The following LAMA4 variants were observed in gnomAD, a reference collection of about 807,000 sequenced individuals.
LAMA4 encodes the protein laminin subunit alpha-4.
LAMA4 carries 127 observed loss-of-function variants against 207.1 expected under a neutral mutation model. The observed-to-expected ratio is 0.61, with a 90% confidence interval of 0.53 to 0.71. LAMA4 has a LOEUF of 0.71. Ranked by LOEUF, LAMA4 falls within the 30% of genes least tolerant of loss-of-function variation. The pLI, the probability that LAMA4 is intolerant of heterozygous loss-of-function variation, is 0.00. For missense variants in LAMA4, 2,093 were observed against 2,246.5 expected (o/e 0.93, Z 1.38); for synonymous variants, 761 against 816.0 (o/e 0.93, Z 1.15).
chr6:112,201,916 A>ATC (rs1301303921), intron 4 of LAMA4, among the ~76,000 whole-genome samples: 4 of 152,310 alleles, frequency 2.6e-5, no homozygotes, highest in African/African-American at 9.6e-5. Flanking sequence ...CTATATATAT[A>ATC]TTTCAAGCAC....
intron 19 of LAMA4, among the ~76,000 whole-genome samples, chr6:112,143,189 A>G (rs1779807578): frequency 6.6e-6 from 1 of 151,712 alleles, no homozygotes; most frequent in African/African-American, 2.4e-5. Context: ...ATTAATATTG[A>G]TTTGGCTAAT....
chr6:112,115,840 G>T, intron 36 of LAMA4, 23 bp downstream of exon 36: 1 of 1,610,372 alleles, frequency 6.2e-7, no homozygotes, highest in Non-Finnish European at 8.5e-7. Context: ...GAGACAAATT[G>T]TTAAACATTT....
chr6:112,134,421 C>T (rs782658544), intron 26 of LAMA4, 46 bp downstream of exon 26: 2 of 1,605,266 alleles, frequency 1.2e-6, no homozygotes, highest in South Asian at 2.2e-5. Flanking sequence ...TGTTGCCAGC[C>T]CAGTACATTG....
chr6:112,173,238 C>G (rs1196583613), intron 11 of LAMA4, among the ~76,000 whole-genome samples: 1 of 152,142 alleles, frequency 6.6e-6, no homozygotes, highest in Non-Finnish European at 1.5e-5. Flanking sequence ...CTCTAGGCAA[C>G]TGTTTTTAGT....
rs782797459 is a variant in LAMA4 at position 112,144,823 on chromosome 6, T to C, written c.2464A>G (p.Ile822Val). Residue 822 changes from isoleucine (I) to valine (V), a missense_variant, in exon 19 of 39, where the codon ATT becomes GTT. Ile to Val is a conservative substitution (Grantham distance 29). This residue lies in a region of LAMA4 where 1,704 missense variants were observed against 1,788.4 expected (regional missense o/e 0.95). Transcript: ENST00000230538. ...SASIQRIREL[I>V]AQTRSVASKI... is the part of the protein sequence containing the mutation. ...CTGGCAACACTTCTGGTCTGAGCAATGAGCTCTCGGATCCTCTGGATGCTG... is the reference window on the plus strand; with the variant it reads ...CTGGCAACACTTCTGGTCTGAGCAACGAGCTCTCGGATCCTCTGGATGCTG... 1.2e-6 allele frequency: 2 copies of C among 1,613,846 alleles called. No homozygotes were observed. The highest frequency in any genetic ancestry group is 1.7e-6 in the Non-Finnish European group (2 of 1,180,018).
rs568363042 is a variant in LAMA4 at position 112,206,973 on chromosome 6, A to AAAACT, written c.422+47_422+48insAGTTT. On this transcript the variant is annotated intron_variant, in intron 4 of 38. Coordinates refer to ENST00000230538, the MANE Select transcript of LAMA4 (RefSeq NM_001105206.3). ...AAAACAAAACAAAACAAAACAAAAC[A>AAAACT]ATACATAGACTGATCATTAGAAGAG... 753 of 1,610,514 alleles carry AAAACT rather than the reference A, an allele frequency of 4.7e-4. 9 individuals carry two copies. In the South Asian group the frequency reaches 4.8e-3, roughly 10 times the overall value.
At chr6:112,227,044 TA>T (rs1554362764) in intron 2 of LAMA4, among the ~76,000 whole-genome samples, 1 of 88,888 alleles carries the variant, frequency 1.1e-5, no homozygotes, top group African/African-American at 6.2e-5. Flanking sequence ...TCGACTATTT[TA>T]TTTATTTATT....
chr6:112,179,482 T>G (rs1238535519), intron 9 of LAMA4: 2 of 152,286 alleles, frequency 1.3e-5, no homozygotes, highest in Non-Finnish European at 2.9e-5. Flanking sequence ...TCTGTTGCTT[T>G]TTTGGCTCAG....
intron 10 of LAMA4, among the ~76,000 whole-genome samples, chr6:112,175,715 C>T (rs567038830): frequency 2.0e-5 from 3 of 152,318 alleles, no homozygotes; most frequent in East Asian, 1.9e-4. Flanking sequence ...GCTTCCCATG[C>T]GGGGTCTTCA....
rs1261591340 is a variant in LAMA4, at chr6:112,118,185, A to T, written c.4822-287T>A. On this transcript the variant is annotated intron_variant, in intron 34 of 38. Coordinates refer to ENST00000230538, the MANE Select transcript of LAMA4 (RefSeq NM_001105206.3). The surrounding 1 kb of genome is among the most constrained non-coding windows in gnomAD (Gnocchi z 4.6). The stretch of plus-strand genomic sequence containing the variant: ...GCTGTGGTTTTCAAACTGCATATTT[A>T]GAAGTATCCTAGTTTTCCCTCAAGA... Among the ~76,000 whole-genome samples, 5 of 152,222 alleles carry T rather than the reference A, an allele frequency of 3.3e-5. No homozygotes were observed.
In LAMA4 at chr6:112,133,790, G is replaced by A. The variant is rs113049519; in HGVS notation, c.3558-303C>T. ...ATGCTATGATTTCCCTTTAGCAGAC[G>A]ATTATTAGGTTGAATCATAGGAACT... On this transcript the variant is annotated intron_variant, in intron 26 of 38. Coordinates refer to ENST00000230538, the MANE Select transcript of LAMA4 (RefSeq NM_001105206.3). Among the ~76,000 whole-genome samples the A allele has an allele frequency of 3.2e-3, 494 of 152,174 alleles. 7 individuals carry two copies. The highest frequency in any genetic ancestry group is 0.027 in the Middle Eastern group (8 of 294).
intron 30 of LAMA4, among the ~76,000 whole-genome samples, chr6:112,129,621 C>T (rs572395569): frequency 6.8e-4 from 103 of 152,046 alleles, no homozygotes; most frequent in Non-Finnish European, 1.3e-3. Flanking sequence ...ACAAACCTAC[C>T]AAGTAGGCAC....
chr6:112,139,028 G>T, intron 24 of LAMA4, 92 bp downstream of exon 24: 1 of 1,234,080 alleles, frequency 8.1e-7, no homozygotes, highest in Non-Finnish European at 1.2e-6. Context: ...TTGATGGCAT[G>T]ACACACTAGA....
chr6:112,213,755 A>G, intron 3 of LAMA4: 1 of 338,716 alleles, frequency 3.0e-6, no homozygotes, highest in Non-Finnish European at 5.3e-6. Flanking sequence ...TCAAATTGAC[A>G]TTGGACACTG....
chr6:112,121,813 A>AC, intron 32 of LAMA4: 1 of 548,386 alleles, frequency 1.8e-6, no homozygotes, highest in South Asian at 2.0e-5. Context: ...TGTTTTATGA[A>AC]CCTTACAATT....
intron 2 of LAMA4, among the ~76,000 whole-genome samples, chr6:112,221,522 C>T (rs782562151): frequency 6.6e-6 from 1 of 152,192 alleles, no homozygotes; most frequent in African/African-American, 2.4e-5. Context: ...TAGTCTTCTT[C>T]AAATTTAACA....
At chr6:112,205,979 G>C (rs1490552404) in intron 4 of LAMA4, among the ~76,000 whole-genome samples, 1 of 152,164 alleles carries the variant, frequency 6.6e-6, no homozygotes, top group Non-Finnish European at 1.5e-5. Context: ...CTCCAGCAGA[G>C]AGCCTGGAGT....
In LAMA4 at chr6:112,172,446, AAC is replaced by A. The variant is rs1781768905; in HGVS notation, c.1551+163_1551+164del. On this transcript the variant is annotated intron_variant, in intron 12 of 38. Transcript: ENST00000230538. Reference sequence around the variant, plus strand: ...ATCCTAGTTTCAACTTGATTTTAGGAACACACAAGTTAGTAATTTATAGCACC... The same window carrying A: ...ATCCTAGTTTCAACTTGATTTTAGGAACACAAGTTAGTAATTTATAGCACC... 10 of 660,036 alleles carry A rather than the reference AAC, an allele frequency of 1.5e-5. No homozygotes were observed. In the South Asian group the frequency reaches 1.9e-4, roughly 13 times the overall value. 40.9% of individuals were successfully genotyped at this position (660,036 alleles called of 1,614,324 possible).
chr6:112,168,863 C>T (rs961788933), intron 12 of LAMA4, among the ~76,000 whole-genome samples: 2 of 152,130 alleles, frequency 1.3e-5, no homozygotes, highest in Admixed American at 6.5e-5. Flanking sequence ...GTAGGCGAGG[C>T]ACTCTACAGA....
Sources: allele counts gnomAD v4.1 joint callset (sites outside exome capture counted in the v4.1 genomes callset), GRCh38; gene constraint gnomAD v4.1.1; regional missense constraint gnomAD v4.1.1; non-coding constraint Gnocchi (gnomAD v3.1); transcripts MANE v1.5; gene names NCBI Gene and HGNC (gene_info 2026-07-23, HGNC 2026-07-21).